ZCCHC14: variants seen among roughly 807,000 people sequenced by gnomAD.
ZCCHC14 encodes zinc finger CCHC-type containing 14.
ZCCHC14 carries 16 observed loss-of-function variants against 85.0 expected under a neutral mutation model. The ratio of observed to expected loss-of-function variants is 0.19; its 90% CI spans 0.13 to 0.29. The LOEUF is 0.29. ZCCHC14 is among the 10% of genes least tolerant of loss of function. The pLI, the probability that ZCCHC14 is intolerant of heterozygous loss-of-function variation, is 1.00. For missense variants in ZCCHC14, 1,303 were observed against 1,443.5 expected (o/e 0.90, Z 1.58); for synonymous variants, 775 against 630.7 (o/e 1.23, Z -3.43).
At chr16:87,418,794 A>T in intron 7 of ZCCHC14, 53 bp downstream of exon 7, 1 of 1,551,644 alleles carries the variant, frequency 6.4e-7, no homozygotes, top group South Asian at 1.1e-5. Context: ...ACTCAAAGTA[A>T]ACATTGTAAA....
At chr16:87,439,752 AG>A (rs1910097241) in intron 2 of ZCCHC14, among the ~76,000 whole-genome samples, 1 of 152,240 alleles carries the variant, frequency 6.6e-6, no homozygotes, top group Admixed American at 6.5e-5. Flanking sequence ...AAGATCTTAG[AG>A]GATGATTAAA....
At chr16:87,466,942 G>A (rs565386138) in intron 1 of ZCCHC14, among the ~76,000 whole-genome samples, 9 of 151,884 alleles carry the variant, frequency 5.9e-5, no homozygotes, top group African/African-American at 9.7e-5. Context: ...TTACAAATAC[G>A]GACCTGAACA....
intron 1 of ZCCHC14, chr16:87,473,048 G>C (rs895705863): frequency 6.6e-6 from 1 of 152,106 alleles, no homozygotes; most frequent in South Asian, 2.1e-4. Context: ...TGTGACACTC[G>C]TAATGTTAGA....
Position 87,408,843 on chromosome 16 carries a change from A to G in ZCCHC14, c.*1437T>C, listed in dbSNP as rs540288965. ...TTTTAAGAATAGTCTGAATATTATA[A>G]TTTTTTTTAAAATAAATATCCAACT... On this transcript the variant is annotated 3_prime_UTR_variant, in exon 13 of 13. Coordinates refer to ENST00000671377, the MANE Select transcript of ZCCHC14 (RefSeq NM_015144.3). The G allele has an allele frequency of 1.3e-5, 2 of 152,508 alleles. No homozygotes were observed. The highest frequency in any genetic ancestry group is 2.9e-5 in the Non-Finnish European group (2 of 68,036). 9.4% of individuals were successfully genotyped at this position (152,508 alleles called of 1,614,324 possible).
At chr16:87,460,811 G>A (rs535968102) in intron 1 of ZCCHC14, among the ~76,000 whole-genome samples, 72 of 152,170 alleles carry the variant, frequency 4.7e-4, no homozygotes, top group Non-Finnish European at 8.4e-4. Flanking sequence ...GAATTACACA[G>A]CAGGACTTAA....
At chr16:87,451,258 A>G (rs1441943108) in intron 2 of ZCCHC14, among the ~76,000 whole-genome samples, 1 of 148,104 alleles carries the variant, frequency 6.8e-6, no homozygotes. Context: ...ATGCAATGGC[A>G]TGATCCCAGC....
rs116394571 is a variant in ZCCHC14 at position 87,423,198 on chromosome 16, G to A, written c.840+612C>T. On this transcript the variant is annotated intron_variant, in intron 4 of 12. Coordinates refer to ENST00000671377, the MANE Select transcript of ZCCHC14 (RefSeq NM_015144.3). The stretch of plus-strand genomic sequence containing the variant: ...TGCAGTTACAACTGTGTGTACACAT[G>A]CACACGGAGGCAAAGAGGCATTTAT... 5.5e-3 allele frequency among the ~76,000 whole-genome samples: 843 copies of A among 152,280 alleles called. 11 individuals are homozygous for A. The highest frequency in any genetic ancestry group is 0.019 in the African/African-American group (796 of 41,552).
chr16:87,465,339 C>A (rs572039884), intron 1 of ZCCHC14, among the ~76,000 whole-genome samples: 1 of 152,354 alleles, frequency 6.6e-6, no homozygotes, highest in Admixed American at 6.5e-5. Flanking sequence ...TAATGAAATT[C>A]AGAATCAAAC....
chr16:87,472,247 T>C (rs1392321247), intron 1 of ZCCHC14: 2 of 152,206 alleles, frequency 1.3e-5, no homozygotes, highest in African/African-American at 4.8e-5. Context: ...ACACAAGTGA[T>C]GTGGCATTTC....
In ZCCHC14 at chr16:87,491,602, A is replaced by G; in HGVS notation, c.570+67T>C. 1.5e-6 allele frequency: 2 copies of G among 1,317,038 alleles called. No individual in the cohort carries two copies. The highest frequency in any genetic ancestry group is 1.9e-5 in the South Asian group (1 of 53,044). 81.6% of individuals were successfully genotyped at this position (1,317,038 alleles called of 1,614,324 possible). On this transcript the variant is annotated intron_variant, in intron 1 of 12. Coordinates refer to ENST00000671377, the MANE Select transcript of ZCCHC14 (RefSeq NM_015144.3). This position sits in a 1 kb window ranked among gnomAD's most constrained non-coding sequence, Gnocchi z 5.9. Reference sequence around the variant, plus strand: ...GTCGGGGGGTCGCGGTGCAGGCTGGAGGCTTGGAGTGCAGAGTTGGGGATG... The same window carrying G: ...GTCGGGGGGTCGCGGTGCAGGCTGGGGGCTTGGAGTGCAGAGTTGGGGATG...
chr16:87,417,779 T>A, intron 7 of ZCCHC14, 37 bp from the exon 8 acceptor site: 1 of 1,527,826 alleles, frequency 6.5e-7, no homozygotes, highest in Non-Finnish European at 8.8e-7. Flanking sequence ...AGAGAGACTG[T>A]GGCTTCCACA....
At chr16:87,418,758 TA>T in intron 7 of ZCCHC14, 88 bp downstream of exon 7, 1 of 1,326,648 alleles carries the variant, frequency 7.5e-7, no homozygotes, top group Non-Finnish European at 1.1e-6. Context: ...GAGCATGACT[TA>T]ATTCTTGGAA....
chr16:87,444,034 C>G (rs1910312497), intron 2 of ZCCHC14, among the ~76,000 whole-genome samples: 1 of 93,692 alleles, frequency 1.1e-5, no homozygotes, highest in African/African-American at 3.8e-5. Flanking sequence ...GAGACTCTAT[C>G]ACAGAAAAAA....
chr16:87,468,133 G>GT (rs1302974023), intron 1 of ZCCHC14, among the ~76,000 whole-genome samples: 1 of 152,142 alleles, frequency 6.6e-6, no homozygotes, highest in Non-Finnish European at 1.5e-5. Context: ...TCATTTATTT[G>GT]TATGTGTTCT....
intron 4 of ZCCHC14, among the ~76,000 whole-genome samples, chr16:87,423,000 C>G (rs1909184548): frequency 6.6e-6 from 1 of 152,176 alleles, no homozygotes; most frequent in Admixed American, 6.5e-5. Context: ...ACATCGTCCT[C>G]ACTCCATGTT....
chr16:87,437,294 G>A (rs141596859), intron 2 of ZCCHC14, among the ~76,000 whole-genome samples: 2,461 of 134,756 alleles, frequency 0.018, 26 homozygotes, highest in Middle Eastern at 0.064. Context: ...TGAGATTTGC[G>A]CCATTGCACT....
intron 2 of ZCCHC14, among the ~76,000 whole-genome samples, chr16:87,439,035 C>T (rs950573493): frequency 3.9e-5 from 6 of 152,116 alleles, no homozygotes; most frequent in African/African-American, 1.4e-4. Flanking sequence ...AGACAAGCCA[C>T]GAACATTACC....
chr16:87,451,602 G>A (rs78920683), intron 2 of ZCCHC14, among the ~76,000 whole-genome samples: 2,716 of 152,324 alleles, frequency 0.018, 106 homozygotes, highest in African/African-American at 0.062. Context: ...GCATTAGTAC[G>A]TTCTAAGCGC....
intron 3 of ZCCHC14, among the ~76,000 whole-genome samples, chr16:87,427,893 C>T (rs1285824784): frequency 6.6e-6 from 1 of 151,464 alleles, no homozygotes; most frequent in Non-Finnish European, 1.5e-5. Flanking sequence ...CAGCCTCCCA[C>T]AGTGCTGGGA....
Sources: allele counts gnomAD v4.1 joint callset (sites outside exome capture counted in the v4.1 genomes callset), GRCh38; gene constraint gnomAD v4.1.1; non-coding constraint Gnocchi (gnomAD v3.1); transcripts MANE v1.5; gene names NCBI Gene and HGNC (gene_info 2026-07-23, HGNC 2026-07-21).